The following HIVEP3 variants were observed in gnomAD, a reference collection of about 807,000 sequenced individuals.
HIVEP3 encodes the protein transcription factor HIVEP3.
In HIVEP3, 49 loss-of-function variants were observed where a neutral mutation model predicts 152.8. The observed-to-expected ratio is 0.32, with a 90% CI of 0.26 to 0.41. HIVEP3 has a LOEUF of 0.41. HIVEP3 is among the 10% of genes least tolerant of loss of function. The pLI, the probability that HIVEP3 is intolerant of heterozygous loss-of-function variation, is 1.00. For missense variants in HIVEP3, 2,790 were observed against 3,103.3 expected (o/e 0.90, Z 2.40); for synonymous variants, 1,269 against 1,289.0 (o/e 0.98, Z 0.33).
rs145544548 is a variant in HIVEP3, at chr1:41,508,842, A to G, written c.*1609T>C. 1,023 of 152,342 alleles carry G rather than the reference A, an allele frequency of 6.7e-3. 4 individuals are homozygous for G. The highest frequency in any genetic ancestry group is 0.011 in the Non-Finnish European group (722 of 68,068). The allele number at this position is 152,342 out of a possible 1,614,324, so 9.4% of individuals were successfully genotyped here. A position where few individuals can be genotyped will look rare whatever the true frequency, so the allele number is the denominator to read the frequency against. On this transcript the variant is annotated 3_prime_UTR_variant, in exon 9 of 9. Coordinates refer to ENST00000372583, the MANE Select transcript of HIVEP3 (RefSeq NM_024503.5). The stretch of plus-strand genomic sequence containing the variant: ...TTAGCCAGAGAGGTCCCTGCTCTGT[A>G]TAGGGTGGCATCAAACCCAGCCTTC...
intron 1 of HIVEP3, among the ~76,000 whole-genome samples, chr1:41,979,328 C>CCGGTGTGAGACATTCCACATGCTGGCT: frequency 6.6e-6 from 1 of 152,196 alleles, no homozygotes; most frequent in Non-Finnish European, 1.5e-5. Context: ...TATGCCTGGC[C>CCGGTGTGAGACATTCCACATGCTGGCT]CGGTGTGAGA....
chr1:41,731,871 A>G (rs1646844484), intron 1 of HIVEP3, among the ~76,000 whole-genome samples: 1 of 152,252 alleles, frequency 6.6e-6, no homozygotes, highest in Non-Finnish European at 1.5e-5. Flanking sequence ...ATGCTTTAAG[A>G]AGCAAAGTAT....
intron 1 of HIVEP3, among the ~76,000 whole-genome samples, chr1:41,701,298 C>T (rs150712461): frequency 4.7e-4 from 71 of 152,364 alleles, no homozygotes; most frequent in East Asian, 1.5e-3. Context: ...AAACACTCCT[C>T]GGGGAAAACA....
intron 2 of HIVEP3, among the ~76,000 whole-genome samples, chr1:41,640,343 C>A (rs941373243): frequency 3.3e-5 from 5 of 152,066 alleles, no homozygotes; most frequent in Admixed American, 1.3e-4. Flanking sequence ...TCAGGCCACA[C>A]CTCGCAGCCC....
intron 2 of HIVEP3, among the ~76,000 whole-genome samples, chr1:41,641,655 CT>C (rs1464405612): frequency 6.6e-6 from 1 of 152,188 alleles, no homozygotes; most frequent in African/African-American, 2.4e-5. Flanking sequence ...TATGTGGGCT[CT>C]GGTTTCGAGT....
rs903822183 is a variant in HIVEP3 at position 41,893,784 on chromosome 1, T to G, written c.-801+24629A>C. Among the ~76,000 whole-genome samples the G allele has an allele frequency of 2.0e-5, 3 of 147,466 alleles. No homozygotes were observed. In the Admixed American group the frequency reaches 2.0e-4, roughly 10 times the overall value. On this transcript the variant is annotated intron_variant, in intron 1 of 8. Coordinates refer to ENST00000372583, the MANE Select transcript of HIVEP3 (RefSeq NM_024503.5). ...TATACATATTTTTATATATTATATA[T>G]TTATATATTAAATATGCATATTTAT...
intron 1 of HIVEP3, among the ~76,000 whole-genome samples, chr1:41,880,052 G>A (rs11210537): frequency 0.28 from 42,905 of 151,992 alleles, 6,644 homozygotes; most frequent in East Asian, 0.53. Context: ...GCTTGCCTGG[G>A]ATCATCCTCT....
intron 3 of HIVEP3, among the ~76,000 whole-genome samples, chr1:41,601,154 T>C (rs533218856): frequency 6.6e-6 from 1 of 152,310 alleles, no homozygotes; most frequent in East Asian, 1.9e-4. Context: ...TTGATTAGTG[T>C]AATTTTTTAT....
chr1:41,943,098 G>A (rs1200071155), intron 1 of HIVEP3, among the ~76,000 whole-genome samples: 2 of 151,748 alleles, frequency 1.3e-5, no homozygotes, highest in Non-Finnish European at 2.9e-5. Flanking sequence ...TAGTAGAGAC[G>A]GGTTTCACCA....
intron 1 of HIVEP3, among the ~76,000 whole-genome samples, chr1:41,876,855 G>A (rs1354993767): frequency 6.6e-6 from 1 of 152,068 alleles, no homozygotes; most frequent in African/African-American, 2.4e-5. Context: ...TGGGTTTTTT[G>A]AGATGAGTAT....
intron 1 of HIVEP3, among the ~76,000 whole-genome samples, chr1:41,740,238 C>T (rs764213597): frequency 2.3e-4 from 35 of 152,244 alleles, no homozygotes; most frequent in South Asian, 6.2e-4. Flanking sequence ...AGGCCCTGCA[C>T]CCCTTTTCTC....
At chr1:41,586,823 T>C (rs1644512831) in intron 3 of HIVEP3, among the ~76,000 whole-genome samples, 1 of 152,142 alleles carries the variant, frequency 6.6e-6, no homozygotes, top group Non-Finnish European at 1.5e-5. Flanking sequence ...TACTTGGTGC[T>C]ACAAAGAATT....
intron 1 of HIVEP3, among the ~76,000 whole-genome samples, chr1:41,984,988 A>AG (rs796593294): frequency 1.3e-5 from 2 of 152,022 alleles, no homozygotes; most frequent in Non-Finnish European, 2.9e-5. Flanking sequence ...AAAAAAAAAA[A>AG]GGACCTGCTT....
At chr1:41,706,912 A>G (rs1646442297) in intron 1 of HIVEP3, among the ~76,000 whole-genome samples, 1 of 152,238 alleles carries the variant, frequency 6.6e-6, no homozygotes, top group Non-Finnish European at 1.5e-5. Flanking sequence ...TATAAAGGCA[A>G]TTCACTCAGT....
intron 1 of HIVEP3, among the ~76,000 whole-genome samples, chr1:41,704,357 T>C (rs1646404181): frequency 6.6e-6 from 1 of 152,260 alleles, no homozygotes; most frequent in African/African-American, 2.4e-5. Context: ...GGCTTCAGCA[T>C]GAACTGGGCT....
At chr1:41,625,565 T>A (rs1645105612) in intron 3 of HIVEP3, among the ~76,000 whole-genome samples, 1 of 152,058 alleles carries the variant, frequency 6.6e-6, no homozygotes, top group African/African-American at 2.4e-5. Context: ...TAATAAATAA[T>A]AAATAAATGT....
At chr1:41,729,824 G>A (rs1392439407) in intron 1 of HIVEP3, among the ~76,000 whole-genome samples, 3 of 152,192 alleles carry the variant, frequency 2.0e-5, no homozygotes, top group African/African-American at 7.2e-5. Flanking sequence ...AGGTGCTGGA[G>A]CCGGGAAGAG....
chr1:41,784,130 G>A (rs1017098112), intron 1 of HIVEP3, among the ~76,000 whole-genome samples: 1 of 152,194 alleles, frequency 6.6e-6, no homozygotes, highest in Non-Finnish European at 1.5e-5. Flanking sequence ...GGGAGAGCAG[G>A]GTTCCTGGGG....
At chr1:41,682,833 C>T (rs913607729) in intron 2 of HIVEP3, among the ~76,000 whole-genome samples, 2 of 152,140 alleles carry the variant, frequency 1.3e-5, no homozygotes, top group African/African-American at 4.8e-5. Context: ...CTGGGCTTGG[C>T]CTGGGACTTA....
Sources: gnomAD v4.1 joint callset for allele counts (sites outside exome capture counted in the v4.1 genomes callset) on GRCh38, gnomAD v4.1.1 for gene constraint, MANE v1.5 for transcripts, NCBI Gene and HGNC (gene_info 2026-07-23, HGNC 2026-07-21) for gene names.